Variants in RNF115 observed in about 807,000 individuals in gnomAD.
The protein encoded by RNF115 is E3 ubiquitin-protein ligase RNF115.
A neutral mutation model predicts 39.2 loss-of-function variants in RNF115; 31 were observed. The observed-to-expected ratio is 0.79, with a 90% CI of 0.59 to 1.07. The LOEUF (loss-of-function observed/expected upper bound fraction) is 1.07, where lower values mean the gene tolerates loss of function less well. RNF115 is among the 50% of genes least tolerant of loss of function. The pLI is 0.00. For synonymous variants in RNF115, 124 were observed against 131.0 expected, an observed-to-expected ratio of 0.95 and a Z score of 0.37; for missense variants, 384 against 381.7, an observed-to-expected ratio of 1.01 and a Z score of -0.05.
At position 145,767,317 on chromosome 1, in the gene RNF115, G is replaced by A. The variant is rs367830967; in HGVS notation, c.428+4394C>T. Among the ~76,000 whole-genome samples, 76 of 146,820 alleles carry A rather than the reference G, an allele frequency of 5.2e-4. 1 individual carries two copies. In the East Asian group the frequency reaches 0.01, roughly 20 times the overall value. On this transcript the variant is annotated intron_variant, in intron 4 of 8. Transcript: ENST00000582693. ...CAGACAGGGCAGTTGCCAGGCAGAG[G>A]GTCTCCTCACTTCTCAGACGGGGCG...
At chr1:145,788,445 T>G (rs985385882) in intron 2 of RNF115, among the ~76,000 whole-genome samples, 1 of 152,224 alleles carries the variant, frequency 6.6e-6, no homozygotes, top group African/African-American at 2.4e-5. Flanking sequence ...TTGGTTTTCC[T>G]GGCTAGAACA....
intron 4 of RNF115, among the ~76,000 whole-genome samples, chr1:145,764,257 C>A (rs1658654970): frequency 6.6e-6 from 1 of 152,226 alleles, no homozygotes; most frequent in Non-Finnish European, 1.5e-5. Flanking sequence ...TTGATCTCGG[C>A]TCGCTACAAC....
chr1:145,767,563 G>T (rs1316996755), intron 4 of RNF115, among the ~76,000 whole-genome samples: 2 of 152,244 alleles, frequency 1.3e-5, no homozygotes, highest in African/African-American at 4.8e-5. Flanking sequence ...TCACTTCCCA[G>T]AAGGGGTGGT....
chr1:145,769,107 A>G (rs1647521376), intron 4 of RNF115, among the ~76,000 whole-genome samples: 1 of 152,228 alleles, frequency 6.6e-6, no homozygotes, highest in Admixed American at 6.5e-5. Flanking sequence ...CTAAATAGTT[A>G]TACTAAAATT....
At chr1:145,763,435 C>A (rs965425655) in intron 4 of RNF115, among the ~76,000 whole-genome samples, 33 of 152,306 alleles carry the variant, frequency 2.2e-4, no homozygotes, top group African/African-American at 7.9e-4. Context: ...CAGTGGCTCA[C>A]GCCTGTAATC....
intron 5 of RNF115, among the ~76,000 whole-genome samples, chr1:145,752,234 A>G (rs1396131428): frequency 1.2e-4 from 19 of 152,132 alleles, no homozygotes; most frequent in Admixed American, 9.8e-4. Flanking sequence ...ATTACAGCCT[A>G]TTGTTTCTTC....
intron 1 of RNF115, among the ~76,000 whole-genome samples, chr1:145,813,659 T>C (rs1274272465): frequency 6.6e-6 from 1 of 152,136 alleles, no homozygotes; most frequent in Non-Finnish European, 1.5e-5. Flanking sequence ...CTAGTTCCTG[T>C]TCTAAACACT....
intron 6 of RNF115, among the ~76,000 whole-genome samples, chr1:145,751,123 G>T (rs1419160168): frequency 6.6e-6 from 1 of 151,964 alleles, no homozygotes; most frequent in Non-Finnish European, 1.5e-5. Flanking sequence ...TCCTTTTTTT[G>T]TGAAATATTT....
chr1:145,771,876 C>G lies in RNF115; in HGVS notation c.263G>C (p.Arg88Thr). The G allele has an allele frequency of 6.2e-7, 1 of 1,614,056 alleles. No individual in the cohort carries two copies. Among genetic ancestry groups the G allele is most frequent in the Non-Finnish European group, 8.5e-7 (1 of 1,179,980 alleles). The change falls in exon 4 of 9, where the codon AGA becomes ACA. Residue 88 changes from arginine (R) to threonine (T), a missense_variant. Coordinates refer to ENST00000582693, the MANE Select transcript of RNF115 (RefSeq NM_014455.4). Reference sequence around the variant, plus strand: ...CAGTGGACTGCTACTTAGAAAGGGTCTAAAATCTTGAAAAAACATCGTGTG... The same window carrying G: ...CAGTGGACTGCTACTTAGAAAGGGTGTAAAATCTTGAAAAAACATCGTGTG... ...LDHTMFFQDF[R>T]PFLSSSPLDQ...
intron 1 of RNF115, among the ~76,000 whole-genome samples, chr1:145,814,572 A>G: frequency 6.6e-6 from 1 of 151,802 alleles, no homozygotes; most frequent in Non-Finnish European, 1.5e-5. Flanking sequence ...GAAAGAGGGA[A>G]ACTCCGTTTA....
chr1:145,802,337 C>CA (rs1649287629), intron 1 of RNF115, among the ~76,000 whole-genome samples: 1 of 152,022 alleles, frequency 6.6e-6, no homozygotes, highest in Non-Finnish European at 1.5e-5. Context: ...CAAGAGGACA[C>CA]AAAGCACTAG....
chr1:145,774,562 G>A (rs1278559732), intron 3 of RNF115, among the ~76,000 whole-genome samples: 4 of 152,002 alleles, frequency 2.6e-5, no homozygotes, highest in Admixed American at 6.6e-5. Context: ...TGTTGGCCAG[G>A]CTGGTCTCAA....
intron 4 of RNF115, among the ~76,000 whole-genome samples, chr1:145,767,481 T>A (rs587667333): frequency 8.4e-4 from 124 of 148,360 alleles, no homozygotes; most frequent in African/African-American, 2.9e-3. Context: ...CGCTCCTCAC[T>A]TTCCAGACTG....
At chr1:145,763,883 G>GCCCTCC (rs1187220015) in intron 4 of RNF115, among the ~76,000 whole-genome samples, 3 of 141,182 alleles carry the variant, frequency 2.1e-5, no homozygotes, top group African/African-American at 5.2e-5. Context: ...AAATTATTTG[G>GCCCTCC]CCCTCCCCCT....
chr1:145,764,431 G>A (rs925835720), intron 4 of RNF115, among the ~76,000 whole-genome samples: 7 of 151,108 alleles, frequency 4.6e-5, no homozygotes, highest in Non-Finnish European at 1.0e-4. Flanking sequence ...GAGATGTGGG[G>A]AGCGCCTCGG....
At chr1:145,780,136 G>C (rs1228582605) in intron 3 of RNF115, among the ~76,000 whole-genome samples, 6 of 152,000 alleles carry the variant, frequency 3.9e-5, no homozygotes, top group Admixed American at 6.5e-5. Flanking sequence ...GCTGAGGTGA[G>C]AGAATCACTA....
At chr1:145,763,921 GTCTCCC>G (rs1243756854) in intron 4 of RNF115, among the ~76,000 whole-genome samples, 1 of 105,968 alleles carries the variant, frequency 9.4e-6, no homozygotes, top group African/African-American at 3.3e-5. Context: ...TCTCCCCATG[GTCTCCC>G]TCTCCCTCTC....
chr1:145,819,505 C>G (rs1388788486), intron 1 of RNF115, among the ~76,000 whole-genome samples: 1 of 151,680 alleles, frequency 6.6e-6, no homozygotes. Flanking sequence ...CTGGACCAGA[C>G]GGACTCACAG....
At chr1:145,794,847 C>A (rs191314609) in intron 1 of RNF115, among the ~76,000 whole-genome samples, 1 of 151,704 alleles carries the variant, frequency 6.6e-6, no homozygotes, top group East Asian at 1.9e-4. Flanking sequence ...GAAACCCTGT[C>A]TCTACTAAAA....
Sources: allele counts gnomAD v4.1 joint callset (sites outside exome capture counted in the v4.1 genomes callset), GRCh38; gene constraint gnomAD v4.1.1; transcripts MANE v1.5; gene names NCBI Gene and HGNC (gene_info 2026-07-23, HGNC 2026-07-21).